The following ADAMTS12 variants were observed in gnomAD, a reference collection of about 807,000 sequenced individuals.
ADAMTS12 encodes the protein ADAM metallopeptidase with thrombospondin type 1 motif 12.
ADAMTS12 carries 118 observed loss-of-function variants against 167.8 expected under a neutral mutation model. That is an observed-to-expected ratio of 0.70 (90% CI 0.61 to 0.82). The LOEUF is 0.82. ADAMTS12 is among the 40% of genes least tolerant of loss of function. The pLI, the probability that ADAMTS12 is intolerant of heterozygous loss-of-function variation, is 0.00. For synonymous variants in ADAMTS12, 704 were observed against 716.9 expected, an observed-to-expected ratio of 0.98 and a Z score of 0.29; for missense variants, 1,916 against 1,998.8, an observed-to-expected ratio of 0.96 and a Z score of 0.79.
chr5:33,834,441 G>A (rs538729421), intron 2 of ADAMTS12, among the ~76,000 whole-genome samples: 22 of 152,242 alleles, frequency 1.4e-4, no homozygotes, highest in Admixed American at 1.3e-3. Flanking sequence ...TTTGAAACAC[G>A]TTTTTAGCAT....
intron 20 of ADAMTS12, among the ~76,000 whole-genome samples, chr5:33,550,999 T>C (rs1745233485): frequency 6.6e-6 from 1 of 152,136 alleles, no homozygotes. Context: ...CCATCAATGA[T>C]CTCATTGGCA....
intron 22 of ADAMTS12, among the ~76,000 whole-genome samples, chr5:33,540,180 C>T (rs1222195411): frequency 6.6e-6 from 1 of 152,270 alleles, no homozygotes; most frequent in African/African-American, 2.4e-5. Flanking sequence ...CGGCAGGTCC[C>T]ACACTCACGG....
At chr5:33,820,265 A>G (rs931137739) in intron 2 of ADAMTS12, among the ~76,000 whole-genome samples, 1 of 152,166 alleles carries the variant, frequency 6.6e-6, no homozygotes, top group African/African-American at 2.4e-5. Flanking sequence ...TGCAGGGGGA[A>G]TTTTATCTTT....
intron 2 of ADAMTS12, among the ~76,000 whole-genome samples, chr5:33,785,300 T>TA (rs58021398): frequency 0.049 from 7,362 of 149,622 alleles, 627 homozygotes; most frequent in African/African-American, 0.17. Context: ...GCACAGCTTG[T>TA]AAAAAAAAAA....
At chr5:33,744,912 C>T (rs774146203) in intron 3 of ADAMTS12, among the ~76,000 whole-genome samples, 1 of 152,186 alleles carries the variant, frequency 6.6e-6, no homozygotes, top group Non-Finnish European at 1.5e-5. Context: ...TCTCCCAGCC[C>T]AAGCAATCCT....
At chr5:33,547,461 G>T (rs940459549) in intron 21 of ADAMTS12, among the ~76,000 whole-genome samples, 4 of 152,042 alleles carry the variant, frequency 2.6e-5, no homozygotes, top group Non-Finnish European at 5.9e-5. Flanking sequence ...TGCCATGGAG[G>T]GTAGTTGAGG....
Position 33,849,103 on chromosome 5 carries a change from AATATATATATGTATTGCATAGCAAT to A in ADAMTS12, c.489+31991_489+32015del, listed in dbSNP as rs1561306294. Among the ~76,000 whole-genome samples the A allele has an allele frequency of 5.9e-4, 75 of 126,776 alleles. 6 individuals are homozygous for A. The highest frequency in any genetic ancestry group is 2.2e-3 in the East Asian group (10 of 4,536). 83.2% of individuals were successfully genotyped at this position (126,776 alleles called of 152,430 possible). Reference sequence around the variant, plus strand: ...GCAATATATATATGTATTGCATAGCAATATATATATGTATTGCATAGCAATATATATATATGTATTGCATAGCAAT... The same window carrying A: ...GCAATATATATATGTATTGCATAGCAATATATATATGTATTGCATAGCAAT... On this transcript the variant is annotated intron_variant, in intron 2 of 23. Coordinates refer to ENST00000504830, the MANE Select transcript of ADAMTS12 (RefSeq NM_030955.4).
At chr5:33,730,167 T>C (rs1744135208) in intron 3 of ADAMTS12, among the ~76,000 whole-genome samples, 1 of 152,238 alleles carries the variant, frequency 6.6e-6, no homozygotes. Context: ...TGAATCTTTC[T>C]GTGTGATATG....
intron 16 of ADAMTS12, among the ~76,000 whole-genome samples, chr5:33,596,769 T>C (rs1009528425): frequency 3.3e-5 from 5 of 152,376 alleles, no homozygotes; most frequent in Admixed American, 6.5e-5. Context: ...AATTAAAGGA[T>C]AGAGGAGACA....
At chr5:33,553,660 T>C (rs111298791) in intron 20 of ADAMTS12, among the ~76,000 whole-genome samples, 10,500 of 152,036 alleles carry the variant, frequency 0.069, 1,214 homozygotes, top group African/African-American at 0.24. Context: ...GGGAGCTAAA[T>C]GATGAGAACA....
intron 12 of ADAMTS12, among the ~76,000 whole-genome samples, chr5:33,636,482 A>G (rs992847038): frequency 2.0e-5 from 3 of 152,178 alleles, no homozygotes; most frequent in African/African-American, 7.2e-5. Context: ...CATAAATGAC[A>G]CCAAACGATT....
At chr5:33,784,153 T>C (rs1422244524) in intron 2 of ADAMTS12, among the ~76,000 whole-genome samples, 1 of 151,898 alleles carries the variant, frequency 6.6e-6, no homozygotes, top group East Asian at 1.9e-4. Flanking sequence ...CAAAAATCAC[T>C]ACCTATACAT....
intron 13 of ADAMTS12, among the ~76,000 whole-genome samples, chr5:33,629,123 T>C (rs1345314895): frequency 1.3e-5 from 2 of 152,212 alleles, no homozygotes; most frequent in Non-Finnish European, 2.9e-5. Context: ...GATTATTATA[T>C]GCAGCTAGGG....
rs764961730 is a variant in ADAMTS12, at chr5:33,648,773, A to G, written c.1479+49T>C. 34 of 1,607,644 alleles carry G rather than the reference A, an allele frequency of 2.1e-5. 1 individual carries two copies. In the South Asian group the frequency reaches 3.6e-4, roughly 17 times the overall value. On this transcript the variant is annotated intron_variant, in intron 9 of 23. Coordinates refer to ENST00000504830, the MANE Select transcript of ADAMTS12 (RefSeq NM_030955.4). Reference sequence around the variant, plus strand: ...ATATTGTCCTGGCCCTTCCTTCAGCATGCTGGAGATCTGAAGCCCTGCATA... The same window carrying G: ...ATATTGTCCTGGCCCTTCCTTCAGCGTGCTGGAGATCTGAAGCCCTGCATA...
intron 18 of ADAMTS12, among the ~76,000 whole-genome samples, chr5:33,580,691 A>C (rs974952860): frequency 6.6e-6 from 1 of 152,204 alleles, no homozygotes; most frequent in Non-Finnish European, 1.5e-5. Context: ...CTCAATCTTA[A>C]AACCCACCAA....
At chr5:33,688,281 T>C (rs1395191989) in intron 3 of ADAMTS12, among the ~76,000 whole-genome samples, 1 of 152,108 alleles carries the variant, frequency 6.6e-6, no homozygotes, top group Non-Finnish European at 1.5e-5. Flanking sequence ...CCATGACATG[T>C]TTGTTTCAAG....
chr5:33,586,526 C>T (rs1747360923), intron 18 of ADAMTS12, among the ~76,000 whole-genome samples: 2 of 152,194 alleles, frequency 1.3e-5, no homozygotes, highest in Non-Finnish European at 2.9e-5. Flanking sequence ...ACTTTTTGGT[C>T]TCTTGTTCTC....
rs367793699 is a variant in ADAMTS12, at chr5:33,658,299, C to T, written c.1075G>A (p.Glu359Lys). ...DICAGFNRPC[E>K]TLGLSHLSGM... ...GAAAGGTGAGACAGGCCCAGGGTCT[C>T]GCAGGGGCGATTGAAACCAGCACAG... Residue 359 changes from glutamate (E) to lysine (K), a missense_variant, in exon 7 of 24, where the codon GAG becomes AAG. Transcript: ENST00000504830. 2.7e-5 allele frequency: 43 copies of T among 1,613,656 alleles called. No individual in the cohort carries two copies. The highest frequency in any genetic ancestry group is 8.9e-5 in the East Asian group (4 of 44,866).
intron 22 of ADAMTS12, among the ~76,000 whole-genome samples, chr5:33,540,578 T>C (rs950556606): frequency 2.0e-5 from 3 of 152,144 alleles, no homozygotes; most frequent in Non-Finnish European, 2.9e-5. Context: ...ACACATCATA[T>C]AGGCAGCTGA....
Sources: gnomAD v4.1 joint callset for allele counts (sites outside exome capture counted in the v4.1 genomes callset) on GRCh38, gnomAD v4.1.1 for gene constraint, MANE v1.5 for transcripts, NCBI Gene and HGNC (gene_info 2026-07-23, HGNC 2026-07-21) for gene names.